Variants in CHRM3 observed in about 807,000 individuals in gnomAD.
CHRM3 encodes the protein cholinergic receptor muscarinic 3, also known as muscarinic acetylcholine receptor M3.
In CHRM3, 11 loss-of-function variants were observed where a neutral mutation model predicts 41.8. That is an observed-to-expected ratio of 0.26 (90% confidence interval 0.17 to 0.44). The LOEUF is 0.44. CHRM3 is among the 20% of genes least tolerant of loss of function. The pLI, the probability that CHRM3 is intolerant of heterozygous loss-of-function variation, is 1.00. For missense variants in CHRM3, 571 were observed against 745.4 expected, an observed-to-expected ratio of 0.77 and a Z score of 2.72; for synonymous variants, 297 against 301.4, an observed-to-expected ratio of 0.99 and a Z score of 0.15.
chr1:239,414,167 C>G (rs939234556), intron 1 of CHRM3, among the ~76,000 whole-genome samples: 1 of 152,162 alleles, frequency 6.6e-6, no homozygotes, highest in Non-Finnish European at 1.5e-5. Context: ...GGGGCTCTGG[C>G]GTGCCTTGTA....
chr1:239,840,621 C>G (rs1303492120), intron 6 of CHRM3, among the ~76,000 whole-genome samples: 2 of 152,146 alleles, frequency 1.3e-5, no homozygotes, highest in Admixed American at 1.3e-4. Context: ...AGAACTGTTA[C>G]TGAACAAAAC....
At chr1:239,532,014 T>C (rs1403353008) in intron 2 of CHRM3, among the ~76,000 whole-genome samples, 17 of 118,224 alleles carry the variant, frequency 1.4e-4, no homozygotes, top group African/African-American at 5.0e-4. Flanking sequence ...TCTTTCTTTT[T>C]TTTTTTTTTT....
intron 6 of CHRM3, among the ~76,000 whole-genome samples, chr1:239,829,362 G>A (rs1672719206): frequency 6.6e-6 from 1 of 151,966 alleles, no homozygotes; most frequent in African/African-American, 2.4e-5. Context: ...AGCCCCCTGG[G>A]ACTGGGAAGG....
At chr1:239,479,142 C>A (rs1666654319) in intron 1 of CHRM3, among the ~76,000 whole-genome samples, 1 of 150,128 alleles carries the variant, frequency 6.7e-6, no homozygotes, top group South Asian at 2.1e-4. Flanking sequence ...CAAGATTGTG[C>A]CTCTGCTCTG....
At chr1:239,471,980 T>A (rs573239533) in intron 1 of CHRM3, among the ~76,000 whole-genome samples, 1 of 152,300 alleles carries the variant, frequency 6.6e-6, no homozygotes, top group Admixed American at 6.5e-5. Context: ...TATTTTGTTT[T>A]GTTTTGTTGC....
chr1:239,412,254 G>T (rs570045602), intron 1 of CHRM3, among the ~76,000 whole-genome samples: 3 of 118,804 alleles, frequency 2.5e-5, no homozygotes, highest in Non-Finnish European at 3.5e-5. Flanking sequence ...TTTTTTTGTC[G>T]TTCTCCTTCA....
intron 1 of CHRM3, among the ~76,000 whole-genome samples, chr1:239,469,639 C>T (rs1665973758): frequency 6.6e-6 from 1 of 152,120 alleles, no homozygotes; most frequent in Non-Finnish European, 1.5e-5. Flanking sequence ...TCACTGCAAC[C>T]TCTGCCTCCC....
chr1:239,665,397 C>A (rs1176483447), intron 4 of CHRM3, among the ~76,000 whole-genome samples: 1 of 152,046 alleles, frequency 6.6e-6, no homozygotes, highest in African/African-American at 2.4e-5. Flanking sequence ...TTACCTTGAA[C>A]CATTGGTCTT....
chr1:239,613,068 C>T (rs1309325582), intron 3 of CHRM3, among the ~76,000 whole-genome samples: 1 of 152,212 alleles, frequency 6.6e-6, no homozygotes, highest in Non-Finnish European at 1.5e-5. Flanking sequence ...TAGGAGACTG[C>T]TGCCGAAAAC....
chr1:239,638,162 T>C (rs1041175767), intron 4 of CHRM3, among the ~76,000 whole-genome samples: 2 of 150,822 alleles, frequency 1.3e-5, no homozygotes, highest in African/African-American at 2.4e-5. Flanking sequence ...CAGTCTATCA[T>C]TGTTGGACAT....
At chr1:239,574,549 C>G (rs898899957) in intron 3 of CHRM3, among the ~76,000 whole-genome samples, 1 of 152,078 alleles carries the variant, frequency 6.6e-6, no homozygotes, top group Non-Finnish European at 1.5e-5. Context: ...AACAGAGCAG[C>G]CTGTCCTCCT....
chr1:239,751,193 G>A (rs984343719), intron 5 of CHRM3, among the ~76,000 whole-genome samples: 3 of 149,126 alleles, frequency 2.0e-5, no homozygotes, highest in South Asian at 4.2e-4. Flanking sequence ...AGCCGACATC[G>A]CGCCACTACA....
At chr1:239,805,208 G>A (rs1670535282) in intron 5 of CHRM3, among the ~76,000 whole-genome samples, 1 of 152,200 alleles carries the variant, frequency 6.6e-6, no homozygotes, top group South Asian at 2.1e-4. Context: ...GAAACTCAGT[G>A]AGGTTCATTC....
At chr1:239,759,169 G>GTTTTTTTTTTTTGTTTTTTTTTTTTT (rs1666500510) in intron 5 of CHRM3, among the ~76,000 whole-genome samples, 2 of 102,078 alleles carry the variant, frequency 2.0e-5, no homozygotes, top group African/African-American at 8.0e-5. Context: ...TTTTTTTTTT[G>GTTTTTTTTTTTTGTTTTTTTTTTTTT]TTTTTTTTTT....
intron 5 of CHRM3, among the ~76,000 whole-genome samples, chr1:239,687,722 T>A (rs1659283644): frequency 1.3e-5 from 2 of 152,280 alleles, no homozygotes; most frequent in South Asian, 2.1e-4. Context: ...ACATAATAAC[T>A]ACTGTTTCTA....
At chr1:239,670,229 T>C (rs1674220196) in intron 4 of CHRM3, among the ~76,000 whole-genome samples, 1 of 152,158 alleles carries the variant, frequency 6.6e-6, no homozygotes, top group East Asian at 1.9e-4. Context: ...CTTATACCTC[T>C]TCCTAGTTGC....
At chr1:239,496,623 T>C (rs1667906143) in intron 2 of CHRM3, among the ~76,000 whole-genome samples, 1 of 152,000 alleles carries the variant, frequency 6.6e-6, no homozygotes. Flanking sequence ...CAGGAACTAA[T>C]CTTAGGCAAT....
At chr1:239,650,013 G>T (rs1672091107) in intron 4 of CHRM3, among the ~76,000 whole-genome samples, 1 of 152,202 alleles carries the variant, frequency 6.6e-6, no homozygotes. Context: ...TGAGCTCAGG[G>T]TCTTTGATCT....
At chr1:239,758,413 A>AC (rs1666415119) in intron 5 of CHRM3, among the ~76,000 whole-genome samples, 1 of 152,046 alleles carries the variant, frequency 6.6e-6, no homozygotes, top group Non-Finnish European at 1.5e-5. Flanking sequence ...TCCCTTCCCC[A>AC]CCCCAACAAA....
Sources: gnomAD v4.1 joint callset for allele counts (sites outside exome capture counted in the v4.1 genomes callset) on GRCh38, gnomAD v4.1.1 for gene constraint, MANE v1.5 for transcripts, NCBI Gene and HGNC (gene_info 2026-07-23, HGNC 2026-07-21) for gene names.